The following CARNMT1 variants were observed in gnomAD, a reference collection of about 807,000 sequenced individuals.
CARNMT1 encodes the protein protein-L-histidine N-pros-methyltransferase CARNMT1.
CARNMT1 carries 28 observed loss-of-function variants against 49.6 expected under a neutral mutation model. The ratio of observed to expected loss-of-function variants is 0.56; its 90% CI spans 0.42 to 0.77. The LOEUF (loss-of-function observed/expected upper bound fraction) is 0.77, where lower values mean the gene tolerates loss of function less well. Ranked by LOEUF, CARNMT1 falls within the 30% of genes least tolerant of loss-of-function variation. The probability of loss-of-function intolerance (pLI) is 0.00; values close to 1 mark genes in which losing one functional copy is unlikely to be tolerated. For synonymous variants in CARNMT1, 178 were observed against 175.0 expected (o/e 1.02, Z -0.13); for missense variants, 421 against 512.6 (o/e 0.82, Z 1.73).
rs749432499 is a variant in CARNMT1, at chr9:75,017,426, T to G, written c.253A>C (p.Asn85His). Residue 85 changes from asparagine to histidine, a missense_variant, in exon 2 of 8, where the codon AAC becomes CAC. Asn to His is a moderately conservative substitution (Grantham distance 68). Around this residue, in one of 2 missense-constraint regions of CARNMT1, gnomAD observed 186 missense variants for 167.9 expected, o/e 1.11. Transcript: ENST00000376834. ...GATCGAAACTGTCTTTCTGTTCGGT[T>G]CACCCGCTCATGCATACTGGTGCTA... ...YYGTSMHERVNRTERQFRSLP... is the reference protein window; with the variant it reads ...YYGTSMHERVHRTERQFRSLP... 6.2e-7 allele frequency: 1 copy of G among 1,614,082 alleles called. No individual in the cohort carries two copies. Among genetic ancestry groups the G allele is most frequent in the Non-Finnish European group, 8.5e-7 (1 of 1,179,988 alleles).
rs1344303916 is a variant in CARNMT1 at position 74,982,396 on chromosome 9, T to C, written c.*1371A>G. ...AGGCTAAAACATTAGTCATCTCTACTTTCCAAGCTACTGGAAACAGAATAT... is the reference window on the plus strand; with the variant it reads ...AGGCTAAAACATTAGTCATCTCTACCTTCCAAGCTACTGGAAACAGAATAT... On this transcript the variant is annotated 3_prime_UTR_variant, in exon 8 of 8. Transcript: ENST00000376834. 3 of 152,198 alleles carry C rather than the reference T, an allele frequency of 2.0e-5. No homozygotes were observed. Among genetic ancestry groups the C allele is most frequent in the Non-Finnish European group, 4.4e-5 (3 of 68,044 alleles). The allele number at this position is 152,198 out of a possible 1,614,324, so 9.4% of individuals were successfully genotyped here.
intron 6 of CARNMT1, among the ~76,000 whole-genome samples, chr9:74,993,605 G>T (rs528150976): frequency 6.6e-6 from 1 of 152,228 alleles, no homozygotes; most frequent in South Asian, 2.1e-4. Context: ...CATGAAATTG[G>T]AGCAATGGTT....
chr9:75,017,330 C>T lies in CARNMT1; in HGVS notation c.349G>A (p.Asp117Asn), dbSNP rs201667422. ...LHLDKIRKCI[D>N]HNQEILLTIV... ...GTCAGTAGTATTTCTTGATTATGAT[C>T]AATGCATTTCCGGATCTTGTCCAAG... is the stretch of plus-strand genomic sequence containing the variant. The change falls in exon 2 of 8, where the codon GAT becomes AAT. Residue 117 changes from aspartate (D) to asparagine (N), a missense_variant. By Grantham distance (23) the Asp-to-Asn change is conservative. Transcript: ENST00000376834. The T allele has an allele frequency of 6.2e-7, 1 of 1,613,944 alleles. No individual in the cohort carries two copies. The highest frequency in any genetic ancestry group is 1.3e-5 in the African/African-American group (1 of 75,024).
At chr9:74,997,264 A>C (rs1047898842) in intron 5 of CARNMT1, among the ~76,000 whole-genome samples, 5 of 152,174 alleles carry the variant, frequency 3.3e-5, no homozygotes, top group African/African-American at 1.2e-4. Context: ...CTTATCCACA[A>C]CACCTAACAT....
chr9:75,014,459 A>C lies in CARNMT1; in HGVS notation c.590+1809T>G, dbSNP rs943851436. Among the ~76,000 whole-genome samples, 5 of 152,236 alleles carry C rather than the reference A, an allele frequency of 3.3e-5. No homozygotes were observed. In the East Asian group the frequency reaches 9.6e-4, roughly 29 times the overall value. Reference sequence around the variant, plus strand: ...ACAGTAAATTATGAAACTTGAATATAGACTGTAAATTACCTAACAGTATTC... The same window carrying C: ...ACAGTAAATTATGAAACTTGAATATCGACTGTAAATTACCTAACAGTATTC... On this transcript the variant is annotated intron_variant, in intron 3 of 7. Coordinates refer to ENST00000376834, the MANE Select transcript of CARNMT1 (RefSeq NM_152420.3).
At position 74,983,953 on chromosome 9, in the gene CARNMT1, C is replaced by T; in HGVS notation, c.1129-85G>A. 4 of 800,412 alleles carry T rather than the reference C, an allele frequency of 5.0e-6. No homozygotes were observed. In the South Asian group the frequency reaches 9.9e-5, roughly 20 times the overall value. 49.6% of individuals were successfully genotyped at this position (800,412 alleles called of 1,614,324 possible). A position where few individuals can be genotyped will look rare whatever the true frequency, so the allele number is the denominator to read the frequency against. ...ATTCTGAGCACATATGTATCAGTGGCAGGCACTATTTTAAGCATATTCATT... is the reference window on the plus strand; with the variant it reads ...ATTCTGAGCACATATGTATCAGTGGTAGGCACTATTTTAAGCATATTCATT... On this transcript the variant is annotated intron_variant, in intron 7 of 7. Transcript: ENST00000376834.
intron 3 of CARNMT1, among the ~76,000 whole-genome samples, chr9:75,010,403 G>T (rs943010020): frequency 4.6e-5 from 7 of 152,054 alleles, no homozygotes; most frequent in African/African-American, 1.7e-4. Flanking sequence ...GGGTTTATAG[G>T]TGTGAGCTAT....
At chr9:74,984,694 G>A (rs1002624133) in intron 7 of CARNMT1, among the ~76,000 whole-genome samples, 5 of 152,030 alleles carry the variant, frequency 3.3e-5, no homozygotes, top group Non-Finnish European at 7.4e-5. Flanking sequence ...GATATGTCAC[G>A]TATATGCATA....
intron 1 of CARNMT1, 37 bp downstream of exon 1, chr9:75,027,975 C>T: frequency 6.5e-7 from 1 of 1,526,930 alleles, no homozygotes; most frequent in Non-Finnish European, 8.8e-7. Context: ...GTGGGCGCCC[C>T]GACGGTCTGG....
intron 1 of CARNMT1, among the ~76,000 whole-genome samples, chr9:75,025,808 T>C (rs1419099809): frequency 6.6e-6 from 1 of 152,204 alleles, no homozygotes; most frequent in African/African-American, 2.4e-5. Flanking sequence ...ACTTCGATAA[T>C]GGAAAAGCTT....
chr9:75,016,236 A>T (rs1340819528), intron 3 of CARNMT1, 32 bp downstream of exon 3: 1 of 1,526,328 alleles, frequency 6.6e-7, no homozygotes, highest in East Asian at 2.3e-5. Context: ...CATACACTTT[A>T]AAAACTTGGT....
At chr9:75,002,905 T>TA (rs1833403733) in intron 3 of CARNMT1, among the ~76,000 whole-genome samples, 1 of 152,036 alleles carries the variant, frequency 6.6e-6, no homozygotes, top group Admixed American at 6.6e-5. Flanking sequence ...CATGCTCAGC[T>TA]AATTTTTTTA....
At chr9:75,007,132 A>G (rs889400634) in intron 3 of CARNMT1, among the ~76,000 whole-genome samples, 1 of 152,236 alleles carries the variant, frequency 6.6e-6, no homozygotes, top group African/African-American at 2.4e-5. Context: ...TGGACTTTAT[A>G]GAAAGTATTA....
intron 6 of CARNMT1, among the ~76,000 whole-genome samples, chr9:74,994,261 T>G (rs757768847): frequency 6.6e-6 from 1 of 152,206 alleles, no homozygotes; most frequent in Non-Finnish European, 1.5e-5. Flanking sequence ...TCATCAGAAC[T>G]GTGAGAAAAT....
intron 3 of CARNMT1, among the ~76,000 whole-genome samples, chr9:75,012,893 G>A (rs1833741848): frequency 6.6e-6 from 1 of 151,372 alleles, no homozygotes; most frequent in African/African-American, 2.4e-5. Flanking sequence ...ACTCCAGCCT[G>A]GGCGACTGAG....
chr9:75,017,869 A>G (rs1049736170), intron 1 of CARNMT1, among the ~76,000 whole-genome samples: 6 of 152,174 alleles, frequency 3.9e-5, no homozygotes, highest in Non-Finnish European at 8.8e-5. Flanking sequence ...AAAGCTAACC[A>G]GGTTGATTTT....
At chr9:74,996,037 T>C (rs1398162582) in intron 6 of CARNMT1, 1 of 155,630 alleles carries the variant, frequency 6.4e-6, no homozygotes, top group Non-Finnish European at 1.4e-5. Flanking sequence ...CTTCCCAGTA[T>C]ATGGATGTAC....
At chr9:75,004,282 A>C (rs1461616310) in intron 3 of CARNMT1, among the ~76,000 whole-genome samples, 1 of 152,228 alleles carries the variant, frequency 6.6e-6, no homozygotes, top group Non-Finnish European at 1.5e-5. Context: ...ACCTGCACTA[A>C]TAGTTATCTT....
At chr9:75,015,029 T>A (rs141654978) in intron 3 of CARNMT1, among the ~76,000 whole-genome samples, 340 of 152,300 alleles carry the variant, frequency 2.2e-3, no homozygotes, top group African/African-American at 7.4e-3. Flanking sequence ...CTGAATTCCA[T>A]CCAATAGCTT....
Sources: allele counts gnomAD v4.1 joint callset (sites outside exome capture counted in the v4.1 genomes callset), GRCh38; gene constraint gnomAD v4.1.1; regional missense constraint gnomAD v4.1.1; transcripts MANE v1.5; gene names NCBI Gene and HGNC (gene_info 2026-07-23, HGNC 2026-07-21).